The following SLC22A8 variants were observed in gnomAD, a reference collection of about 807,000 sequenced individuals.
SLC22A8 encodes organic anion transporter 3.
Under a neutral mutation model 48.4 loss-of-function variants are expected in SLC22A8, and 40 were observed. The observed-to-expected ratio is 0.83, with a 90% CI of 0.64 to 1.08. The LOEUF (loss-of-function observed/expected upper bound fraction) is 1.08, where lower values mean the gene tolerates loss of function less well. SLC22A8 is among the 50% of genes least tolerant of loss of function. The pLI, the probability that SLC22A8 is intolerant of heterozygous loss-of-function variation, is 0.00. For synonymous variants in SLC22A8, 268 were observed against 286.3 expected, an observed-to-expected ratio of 0.94 and a Z score of 0.65; for missense variants, 606 against 699.0, an observed-to-expected ratio of 0.87 and a Z score of 1.50.
At position 62,993,554 on chromosome 11, in the gene SLC22A8, C is replaced by A; in HGVS notation, c.1399G>T (p.Gly467Cys). ...SMVSPLVKIT[G>C]EVQPFIPNII... ...TTGGGGATGAAGGGCTGTACCTCAC[C>A]CGTGATTTTCACCAGCGGGGACACC... The change falls in exon 10 of 11, where the codon GGT becomes TGT. Residue 467 changes from glycine to cysteine, a missense_variant. By Grantham distance (159) the Gly-to-Cys change is radical (BLOSUM62 -3). Transcript: ENST00000336232. 1 of 1,614,078 alleles carries A rather than the reference C, an allele frequency of 6.2e-7. No homozygotes were observed. The highest frequency in any genetic ancestry group is 8.5e-7 in the Non-Finnish European group (1 of 1,179,918).
intron 2 of SLC22A8, among the ~76,000 whole-genome samples, chr11:63,014,150 T>A (rs2086648445): frequency 6.6e-6 from 1 of 152,288 alleles, no homozygotes; most frequent in Non-Finnish European, 1.5e-5. Context: ...CCTTGACTGA[T>A]GTTTATATCT....
intron 7 of SLC22A8, 109 bp downstream of exon 7, chr11:62,995,595 C>A: frequency 6.5e-6 from 5 of 770,434 alleles, no homozygotes. Context: ...AGAGGGGATT[C>A]TCTGACTTCT....
chr11:63,006,595 G>GTGTTTTTTTTTTTT, intron 2 of SLC22A8, among the ~76,000 whole-genome samples: 1 of 51,402 alleles, frequency 1.9e-5, no homozygotes, highest in Admixed American at 2.4e-4. Context: ...TCTCATTTGA[G>GTGTTTTTTTTTTTT]TTTTTTTTTT....
intron 2 of SLC22A8, among the ~76,000 whole-genome samples, chr11:63,004,776 G>A (rs553821119): frequency 6.6e-6 from 1 of 152,278 alleles, no homozygotes; most frequent in South Asian, 2.1e-4. Flanking sequence ...AACAGTATCC[G>A]ATACATACTA....
chr11:63,014,899 A>G lies in SLC22A8; in HGVS notation c.60T>C (p.His20=), dbSNP rs771649606. ...VGSMGHFQFL[H]VAILGLPILN... is the part of the protein sequence containing the mutation. Reference sequence around the variant, plus strand: ...GGATCGGGAGGCCCAGTATGGCTACATGCAGGAACTGGAAATGGCCCATGC... The same window carrying G: ...GGATCGGGAGGCCCAGTATGGCTACGTGCAGGAACTGGAAATGGCCCATGC... The change falls in exon 2 of 11, where the codon CAT becomes CAC. Residue 20 remains histidine (H), a synonymous_variant. Coordinates refer to ENST00000336232, the MANE Select transcript of SLC22A8 (RefSeq NM_004254.4). 3 of 1,592,350 alleles carry G rather than the reference A, an allele frequency of 1.9e-6. No homozygotes were observed. The South Asian group carries it at 3.4e-5, about 18-fold the overall frequency.
In SLC22A8 at chr11:62,999,781, C is replaced by T. The variant is rs377089816; in HGVS notation, c.499G>A (p.Ala167Thr). 11 of 1,605,764 alleles carry T rather than the reference C, an allele frequency of 6.9e-6. No individual in the cohort carries two copies. The highest frequency in any genetic ancestry group is 9.4e-6 in the Non-Finnish European group (11 of 1,176,020). The change falls in exon 4 of 11, where the codon GCA (alanine) becomes ACA (threonine). Residue 167 changes from alanine to threonine, a missense_variant. Coordinates refer to ENST00000336232, the MANE Select transcript of SLC22A8 (RefSeq NM_004254.4). ...YLLLAASGSGAAFSPTFPIYM... is the reference protein window; with the variant it reads ...YLLLAASGSGTAFSPTFPIYM... The stretch of plus-strand genomic sequence containing the variant: ...ATGGGGAAGGTGGGGCTGAAGGCTG[C>T]ACCGGAGCCGCTGGCTGCCAGCAGC...
intron 7 of SLC22A8, chr11:62,994,982 TGTG>T (rs2086398148): frequency 1.7e-6 from 1 of 579,586 alleles, no homozygotes; most frequent in Non-Finnish European, 3.1e-6. Flanking sequence ...TGGTCCAGGG[TGTG>T]GTGGCAAAGG....
intron 2 of SLC22A8, among the ~76,000 whole-genome samples, chr11:63,013,528 T>C (rs1377435219): frequency 2.6e-5 from 4 of 152,148 alleles, no homozygotes; most frequent in Non-Finnish European, 4.4e-5. Context: ...TGCTCACTGC[T>C]CAGACGCCAC....
In SLC22A8 at chr11:63,014,966, G is replaced by A. The variant is rs757654200; in HGVS notation, c.-8C>T. ...GATCTCCGAGAAGGTCATGGCACTGGGGCAAGACGAGCCAGAGCTGTGGGC... is the reference window on the plus strand; with the variant it reads ...GATCTCCGAGAAGGTCATGGCACTGAGGCAAGACGAGCCAGAGCTGTGGGC... On this transcript the variant is annotated 5_prime_UTR_variant, in exon 2 of 11. Coordinates refer to ENST00000336232, the MANE Select transcript of SLC22A8 (RefSeq NM_004254.4). 2 of 1,536,920 alleles carry A rather than the reference G, an allele frequency of 1.3e-6. No individual in the cohort carries two copies. Among genetic ancestry groups the A allele is most frequent in the East Asian group, 2.3e-5 (1 of 44,014 alleles).
chr11:63,010,605 G>A (rs983016891), intron 2 of SLC22A8, among the ~76,000 whole-genome samples: 4 of 152,198 alleles, frequency 2.6e-5, no homozygotes, highest in African/African-American at 9.6e-5. Context: ...AGCCACTAAT[G>A]CATTAATGGC....
chr11:63,014,465 G>A, intron 2 of SLC22A8, 161 bp downstream of exon 2: 1 of 589,182 alleles, frequency 1.7e-6, no homozygotes, highest in Non-Finnish European at 3.0e-6. Context: ...CAAGGGTCTT[G>A]GTGCATGAGC....
At chr11:63,013,412 A>T (rs11231303) in intron 2 of SLC22A8, among the ~76,000 whole-genome samples, 2,056 of 152,230 alleles carry the variant, frequency 0.014, 24 homozygotes, top group Middle Eastern at 0.041. Context: ...AGTGCTTGGC[A>T]CCAGGTAAGG....
intron 4 of SLC22A8, chr11:62,999,408 A>C: frequency 2.1e-6 from 1 of 481,126 alleles, no homozygotes; most frequent in East Asian, 3.1e-5. Flanking sequence ...CTGATCTGTA[A>C]AATGGGAATA....
chr11:62,993,635 G>T lies in SLC22A8; in HGVS notation c.1326-8C>A. The T allele has an allele frequency of 1.2e-6, 2 of 1,604,946 alleles. No homozygotes were observed. The highest frequency in any genetic ancestry group is 1.7e-4 in the Middle Eastern group (1 of 6,020). On this transcript the variant is annotated splice_region_variant and splice_polypyrimidine_tract_variant and intron_variant, in intron 9 of 10. Transcript: ENST00000336232. ...ACGCCCATACCTGTTTGCCTGCGAG[G>T]GTTCAGAGTAGGGATTGGTAGCCTG...
Position 62,993,471 on chromosome 11 carries a change from C to A in SLC22A8, c.1482G>T (p.Glu494Asp). Reference protein sequence around the residue: ...LGGSAALFLPETLNQPLPETI... With the variant: ...LGGSAALFLPDTLNQPLPETI... The stretch of plus-strand genomic sequence containing the variant: ...TCTCTGGCAAGGGCTGATTCAGGGT[C>A]TCAGGCAGGAAGAGGGCAGCACTGC... The change falls in exon 10 of 11, where the codon GAG becomes GAT. Residue 494 changes from glutamate (E) to aspartate (D), a missense_variant. Glu to Asp is a conservative substitution (Grantham distance 45). Transcript: ENST00000336232. 2 of 1,614,164 alleles carry A rather than the reference C, an allele frequency of 1.2e-6. No homozygotes were observed. Among genetic ancestry groups the A allele is most frequent in the Non-Finnish European group, 1.7e-6 (2 of 1,180,026 alleles).
rs1468490637 is a variant in SLC22A8, at chr11:62,996,100, C to T, written c.814G>A (p.Ala272Thr). ...GCCACCCGCCGGAGTATCTTCAGGG[C>T]CTTCGAGGACTTTCCAGACAAGACC... is the stretch of plus-strand genomic sequence containing the variant. Reference protein sequence around the residue: ...WLVLSGKSSKALKILRRVAVF... With the variant: ...WLVLSGKSSKTLKILRRVAVF... The change falls in exon 6 of 11, where the codon GCC (alanine) becomes ACC (threonine). Residue 272 changes from alanine (A) to threonine (T), a missense_variant. Coordinates refer to ENST00000336232, the MANE Select transcript of SLC22A8 (RefSeq NM_004254.4). The T allele has an allele frequency of 6.2e-7, 1 of 1,613,702 alleles. No individual in the cohort carries two copies. The highest frequency in any genetic ancestry group is 1.7e-5 in the Admixed American group (1 of 59,958).
intron 2 of SLC22A8, 146 bp from the exon 3 acceptor site, chr11:63,000,969 C>T: frequency 1.6e-6 from 1 of 637,734 alleles, no homozygotes; most frequent in Non-Finnish European, 2.8e-6. Context: ...CTTTTTCAGC[C>T]CGGCTCGGAG....
At chr11:62,996,757 GC>G (rs1164807125) in intron 5 of SLC22A8, among the ~76,000 whole-genome samples, 4 of 152,330 alleles carry the variant, frequency 2.6e-5, no homozygotes, top group Admixed American at 2.0e-4. Flanking sequence ...ACTCTCCCTT[GC>G]CCCCAGGCTA....
chr11:62,999,131 T>C, intron 4 of SLC22A8, 42 bp from the exon 5 acceptor site: 1 of 1,568,024 alleles, frequency 6.4e-7, no homozygotes, highest in South Asian at 1.1e-5. Context: ...TTCTGCTAGG[T>C]CCCAGGCACC....
Sources: gnomAD v4.1 joint callset for allele counts (sites outside exome capture counted in the v4.1 genomes callset) on GRCh38, gnomAD v4.1.1 for gene constraint, MANE v1.5 for transcripts, NCBI Gene and HGNC (gene_info 2026-07-23, HGNC 2026-07-21) for gene names.